Variants in MEIKIN observed in about 807,000 individuals in gnomAD.
The protein encoded by MEIKIN is meiosis-specific kinetochore protein.
At chr5:131,835,686 C>T (rs920690279) in intron 11 of MEIKIN, among the ~76,000 whole-genome samples, 12 of 152,222 alleles carry the variant, frequency 7.9e-5, no homozygotes, top group South Asian at 4.2e-4. Flanking sequence ...TTCCATCTCC[C>T]GAGTTCACGC....
At chr5:131,915,336 C>T (rs1044261546) in intron 7 of MEIKIN, among the ~76,000 whole-genome samples, 1 of 152,034 alleles carries the variant, frequency 6.6e-6, no homozygotes, top group African/African-American at 2.4e-5. Flanking sequence ...TCAGTGGAGC[C>T]CAGACCAGGT....
chr5:131,861,465 T>C (rs192046755), intron 9 of MEIKIN, among the ~76,000 whole-genome samples: 1 of 152,320 alleles, frequency 6.6e-6, no homozygotes, highest in Admixed American at 6.5e-5. Flanking sequence ...TCTTGGCTGA[T>C]TGCTCTGGCT....
chr5:131,853,748 C>T (rs1007319187), intron 10 of MEIKIN, among the ~76,000 whole-genome samples: 6 of 152,098 alleles, frequency 3.9e-5, no homozygotes, highest in Non-Finnish European at 7.4e-5. Flanking sequence ...TTAAAAGATG[C>T]TCAGTGTCAT....
chr5:131,868,109 A>G (rs189629480), intron 9 of MEIKIN, among the ~76,000 whole-genome samples: 59 of 152,222 alleles, frequency 3.9e-4, no homozygotes, highest in African/African-American at 1.3e-3. Flanking sequence ...GGTTTTTTTG[A>G]AACAGAGTCT....
At chr5:131,906,952 A>G (rs1464581964) in intron 8 of MEIKIN, among the ~76,000 whole-genome samples, 2 of 152,178 alleles carry the variant, frequency 1.3e-5, no homozygotes, top group Admixed American at 6.5e-5. Context: ...ACACCAAACT[A>G]CTGTAACAGA....
intron 8 of MEIKIN, among the ~76,000 whole-genome samples, chr5:131,887,899 C>T (rs1462649410): frequency 3.7e-5 from 5 of 133,610 alleles, no homozygotes; most frequent in Admixed American, 1.5e-4. Context: ...GTGATGTTCC[C>T]CTTCCTGTGT....
intron 6 of MEIKIN, among the ~76,000 whole-genome samples, chr5:131,917,844 T>C (rs773400621): frequency 6.6e-6 from 1 of 152,212 alleles, no homozygotes; most frequent in Non-Finnish European, 1.5e-5. Context: ...CCTTTAAGCA[T>C]TTCCTCAAAG....
At chr5:131,875,628 T>G (rs550265946) in intron 9 of MEIKIN, among the ~76,000 whole-genome samples, 57 of 152,134 alleles carry the variant, frequency 3.7e-4, no homozygotes, top group Middle Eastern at 3.4e-3. Context: ...TTTCTTCACA[T>G]AATTGGAAAA....
At chr5:131,826,134 T>C (rs979861840) in intron 11 of MEIKIN, among the ~76,000 whole-genome samples, 1 of 147,732 alleles carries the variant, frequency 6.8e-6, no homozygotes, top group African/African-American at 2.5e-5. Context: ...GCTATATTGC[T>C]CAGGCTGGTC....
At chr5:131,875,814 A>T (rs1394331592) in intron 9 of MEIKIN, among the ~76,000 whole-genome samples, 1 of 152,214 alleles carries the variant, frequency 6.6e-6, no homozygotes, top group Non-Finnish European at 1.5e-5. Context: ...CCTATGGAAC[A>T]GAACACAGCA....
chr5:131,835,208 G>GTGTTTATATATA (rs1196889380), intron 11 of MEIKIN, among the ~76,000 whole-genome samples: 15 of 150,876 alleles, frequency 9.9e-5, no homozygotes, highest in Admixed American at 7.3e-4. Context: ...GTATATATAT[G>GTGTTTATATATA]TGTGTATATA....
intron 9 of MEIKIN, among the ~76,000 whole-genome samples, chr5:131,875,528 A>C (rs915062148): frequency 6.6e-6 from 1 of 152,004 alleles, no homozygotes; most frequent in Non-Finnish European, 1.5e-5. Flanking sequence ...TTCCATGCTC[A>C]TGGGTAGGAA....
intron 10 of MEIKIN, among the ~76,000 whole-genome samples, chr5:131,852,567 C>T (rs184665256): frequency 3.5e-4 from 53 of 152,176 alleles, no homozygotes; most frequent in East Asian, 3.1e-3. Flanking sequence ...AGGCACAAAA[C>T]GCCACATGTT....
intron 11 of MEIKIN, among the ~76,000 whole-genome samples, chr5:131,835,756 G>T (rs911483195): frequency 2.6e-5 from 4 of 152,140 alleles, no homozygotes; most frequent in Non-Finnish European, 5.9e-5. Context: ...ACCAGGCCTG[G>T]CTAATTTTTT....
intron 8 of MEIKIN, among the ~76,000 whole-genome samples, chr5:131,895,066 A>ATACC (rs1156643970): frequency 1.3e-5 from 2 of 152,174 alleles, no homozygotes; most frequent in Non-Finnish European, 2.9e-5. Flanking sequence ...CATTCCATGA[A>ATACC]TACCTAGTTT....
chr5:131,848,203 A>C (rs1750050574), intron 11 of MEIKIN, among the ~76,000 whole-genome samples: 1 of 152,140 alleles, frequency 6.6e-6, no homozygotes, highest in Non-Finnish European at 1.5e-5. Context: ...AAAATAGAGA[A>C]TAGAAAATCA....
chr5:131,886,414 A>G (rs929004811), intron 8 of MEIKIN, among the ~76,000 whole-genome samples: 3 of 152,230 alleles, frequency 2.0e-5, no homozygotes, highest in Non-Finnish European at 4.4e-5. Flanking sequence ...TAAGAGCAGC[A>G]AGAAAAAAGA....
chr5:131,885,318 A>T (rs1266056015), intron 8 of MEIKIN, among the ~76,000 whole-genome samples: 1 of 140,588 alleles, frequency 7.1e-6, no homozygotes, highest in Non-Finnish European at 1.5e-5. Flanking sequence ...CCCCACCCCC[A>T]GCTGCAGGCC....
chr5:131,865,847 G>C (rs1037794239), intron 9 of MEIKIN, among the ~76,000 whole-genome samples: 2 of 152,258 alleles, frequency 1.3e-5, no homozygotes, highest in African/African-American at 4.8e-5. Context: ...GCATGTGGTT[G>C]TTAGTGGAGG....
Sources: gnomAD v4.1 joint callset for allele counts (sites outside exome capture counted in the v4.1 genomes callset) on GRCh38, gnomAD v4.1.1 for gene constraint, MANE v1.5 for transcripts, NCBI Gene and HGNC (gene_info 2026-07-23, HGNC 2026-07-21) for gene names.